PPP2R2B: variants seen among roughly 807,000 people sequenced by gnomAD.
The protein encoded by PPP2R2B is serine/threonine-protein phosphatase 2A 55 kDa regulatory subunit B beta isoform.
A neutral mutation model predicts 46.0 loss-of-function variants in PPP2R2B; 5 were observed. The observed-to-expected ratio is 0.11, with a 90% confidence interval of 0.06 to 0.23. The LOEUF (loss-of-function observed/expected upper bound fraction) is 0.23. PPP2R2B is among the 10% of genes least tolerant of loss of function. The pLI, the probability that PPP2R2B is intolerant of heterozygous loss-of-function variation, is 1.00. For missense variants in PPP2R2B, 367 were observed against 575.0 expected (o/e 0.64, Z 3.70); for synonymous variants, 215 against 206.7 (o/e 1.04, Z -0.34).
intron 2 of PPP2R2B, among the ~76,000 whole-genome samples, chr5:146,753,639 T>G (rs1362375370): frequency 6.6e-6 from 1 of 152,118 alleles, no homozygotes; most frequent in Non-Finnish European, 1.5e-5. Context: ...ATGCTCGGTT[T>G]TAAACTAAAG....
chr5:146,953,924 G>T (rs186398007), intron 1 of PPP2R2B, among the ~76,000 whole-genome samples: 84 of 152,224 alleles, frequency 5.5e-4, no homozygotes, highest in African/African-American at 1.8e-3. Flanking sequence ...AGAATTGGTA[G>T]CATCAACTAG....
chr5:146,598,480 C>T lies in PPP2R2B; in HGVS notation c.960+1811G>A, dbSNP rs145939787. Among the ~76,000 whole-genome samples the T allele has an allele frequency of 9.2e-3, 1,400 of 152,300 alleles. 68 individuals carry two copies. Among genetic ancestry groups the T allele is most frequent in the Admixed American group, 0.075 (1,151 of 15,284 alleles). On this transcript the variant is annotated intron_variant, in intron 8 of 9. Transcript: ENST00000394411. ...ATACCCTCTACATACTTGTGAGTGT[C>T]AGATTTATATCTTGAAGCTAAATAT...
At chr5:146,920,618 G>A (rs76451926) in intron 1 of PPP2R2B, among the ~76,000 whole-genome samples, 1 of 152,208 alleles carries the variant, frequency 6.6e-6, no homozygotes, top group African/African-American at 2.4e-5. Flanking sequence ...CTGCTAGGAA[G>A]TGGCTTTTCA....
At chr5:146,699,415 A>G (rs1408135354) in intron 3 of PPP2R2B, among the ~76,000 whole-genome samples, 1 of 152,232 alleles carries the variant, frequency 6.6e-6, no homozygotes, top group African/African-American at 2.4e-5. Flanking sequence ...GCTTAACTGC[A>G]GGTTCTTTAT....
At chr5:146,844,093 T>A (rs1216599817) in intron 2 of PPP2R2B, among the ~76,000 whole-genome samples, 6 of 150,958 alleles carry the variant, frequency 4.0e-5, no homozygotes, top group Non-Finnish European at 8.8e-5. Context: ...CTCAGTAAAC[T>A]ATCGCAAGAA....
intron 7 of PPP2R2B, among the ~76,000 whole-genome samples, chr5:146,606,473 T>C (rs1462845949): frequency 2.0e-5 from 3 of 152,184 alleles, no homozygotes; most frequent in Non-Finnish European, 4.4e-5. Flanking sequence ...CTTGACTCCT[T>C]CCAAGCTTCA....
chr5:146,792,553 T>C (rs1471286492), intron 2 of PPP2R2B, among the ~76,000 whole-genome samples: 1 of 152,058 alleles, frequency 6.6e-6, no homozygotes, highest in East Asian at 1.9e-4. Flanking sequence ...TGTTAGAAGG[T>C]GACTATGGGA....
chr5:146,936,673 A>G (rs1202300766), intron 1 of PPP2R2B, among the ~76,000 whole-genome samples: 2 of 152,108 alleles, frequency 1.3e-5, no homozygotes, highest in Non-Finnish European at 2.9e-5. Context: ...TGAGCCAAAA[A>G]AAGAAGCCTG....
chr5:146,980,150 G>T (rs1753102484), intron 1 of PPP2R2B, among the ~76,000 whole-genome samples: 1 of 152,134 alleles, frequency 6.6e-6, no homozygotes, highest in Non-Finnish European at 1.5e-5. Context: ...ATTCAGAACA[G>T]TATGTAGAAC....
chr5:146,634,630 C>T (rs546623824), intron 7 of PPP2R2B, among the ~76,000 whole-genome samples: 19 of 152,048 alleles, frequency 1.2e-4, no homozygotes, highest in Non-Finnish European at 2.2e-4. Flanking sequence ...CCACTGAGGC[C>T]GGTCTCTGAT....
intron 1 of PPP2R2B, among the ~76,000 whole-genome samples, chr5:147,007,226 G>C (rs1454050609): frequency 6.6e-6 from 1 of 152,188 alleles, no homozygotes; most frequent in Non-Finnish European, 1.5e-5. Flanking sequence ...TCAGCAGGAA[G>C]TAGCTAGAGC....
chr5:146,736,237 C>T (rs1158196780), intron 2 of PPP2R2B, among the ~76,000 whole-genome samples: 1 of 152,172 alleles, frequency 6.6e-6, no homozygotes. Flanking sequence ...GCCTCCCCAG[C>T]CATACTGAAC....
At chr5:146,605,801 G>C (rs1772205742) in intron 7 of PPP2R2B, among the ~76,000 whole-genome samples, 1 of 152,196 alleles carries the variant, frequency 6.6e-6, no homozygotes, top group Non-Finnish European at 1.5e-5. Flanking sequence ...TGTTTTTCTA[G>C]TACAGGCTTC....
chr5:146,812,123 T>G lies in PPP2R2B; in HGVS notation c.70+65879A>C, dbSNP rs185871233. On this transcript the variant is annotated intron_variant, in intron 2 of 9. Coordinates refer to ENST00000394411, the MANE Select transcript of PPP2R2B (RefSeq NM_181675.4). ...TTTGTCACTAACTAGTTCTGTGACG[T>G]GTGGAAGTTTCCATTACCTCTCTGA... 1.1e-3 allele frequency among the ~76,000 whole-genome samples: 160 copies of G among 152,152 alleles called. 3 individuals carry two copies. Among genetic ancestry groups the G allele is most frequent in the African/African-American group, 3.6e-3 (151 of 41,538 alleles).
rs141171365 is a variant in PPP2R2B at position 146,820,614 on chromosome 5, C to T, written c.70+57388G>A. Reference sequence around the variant, plus strand: ...CCATGCTGTTTGGGGATATTTTCTTCCCATTACTATTCCTCTAGGCTATAC... The same window carrying T: ...CCATGCTGTTTGGGGATATTTTCTTTCCATTACTATTCCTCTAGGCTATAC... On this transcript the variant is annotated intron_variant, in intron 2 of 9. Coordinates refer to ENST00000394411, the MANE Select transcript of PPP2R2B (RefSeq NM_181675.4). Among the ~76,000 whole-genome samples, 487 of 152,274 alleles carry T rather than the reference C, an allele frequency of 3.2e-3. 2 individuals are homozygous for T. The highest frequency in any genetic ancestry group is 0.011 in the African/African-American group (463 of 41,554).
At chr5:146,751,713 T>C (rs534530950) in intron 2 of PPP2R2B, 1 of 152,194 alleles carries the variant, frequency 6.6e-6, no homozygotes, top group East Asian at 1.9e-4. Context: ...GTGTGATGAG[T>C]TCTATGAAGA....
intron 1 of PPP2R2B, among the ~76,000 whole-genome samples, chr5:147,005,160 A>C (rs1466209145): frequency 1.3e-5 from 2 of 152,182 alleles, no homozygotes; most frequent in Non-Finnish European, 2.9e-5. Flanking sequence ...CATGACTGCC[A>C]ACAAATTATA....
intron 1 of PPP2R2B, among the ~76,000 whole-genome samples, chr5:146,986,346 A>G (rs957994025): frequency 2.6e-5 from 4 of 152,194 alleles, no homozygotes; most frequent in Admixed American, 2.6e-4. Context: ...GTGTACTTAG[A>G]CCTATCCCTG....
At position 146,592,998 on chromosome 5, in the gene PPP2R2B, A is replaced by G. The variant is rs1294043456; in HGVS notation, c.1025T>C (p.Phe342Ser). 1 of 1,613,858 alleles carries G rather than the reference A, an allele frequency of 6.2e-7. No homozygotes were observed. Among genetic ancestry groups the G allele is most frequent in the South Asian group, 1.1e-5 (1 of 91,070 alleles). ...LYENDCIFDK[F>S]ECVWNGSDSV... The stretch of plus-strand genomic sequence containing the variant: ...GTCTGACCCATTCCACACACACTCA[A>G]ATTTATCAAAAATGCAGTCATTTTC... Residue 342 changes from phenylalanine to serine, a missense_variant, in exon 9 of 10, where the codon TTT becomes TCT. Physicochemically the swap from Phe to Ser is radical, Grantham distance 155. This residue lies in a region of PPP2R2B where 361 missense variants were observed against 545.5 expected (regional missense o/e 0.66). Transcript: ENST00000394411.
Sources: gnomAD v4.1 joint callset for allele counts (sites outside exome capture counted in the v4.1 genomes callset) on GRCh38, gnomAD v4.1.1 for gene constraint, gnomAD v4.1.1 regional missense constraint, MANE v1.5 for transcripts, NCBI Gene and HGNC (gene_info 2026-07-23, HGNC 2026-07-21) for gene names.